Variants in DIAPH3 observed in about 807,000 individuals in gnomAD.
The protein encoded by DIAPH3 is protein diaphanous homolog 3.
Under a neutral mutation model 144.3 loss-of-function variants are expected in DIAPH3, and 117 were observed. That is an observed-to-expected ratio of 0.81 (90% CI 0.70 to 0.95). DIAPH3 has a LOEUF of 0.95. Among genes scored for constraint, DIAPH3 ranks in the 40% least tolerant of loss-of-function variants. The probability of loss-of-function intolerance (pLI) is 0.00; values close to 1 mark genes in which losing one functional copy is unlikely to be tolerated. For synonymous variants in DIAPH3, 519 were observed against 488.9 expected (o/e 1.06, Z -0.81); for missense variants, 1,421 against 1,412.7 (o/e 1.01, Z -0.09).
intron 16 of DIAPH3, among the ~76,000 whole-genome samples, chr13:59,970,457 T>A (rs2050299193): frequency 6.6e-6 from 1 of 152,184 alleles, no homozygotes; most frequent in Non-Finnish European, 1.5e-5. Context: ...GATATTAGCT[T>A]CTGACAACTA....
intron 5 of DIAPH3, among the ~76,000 whole-genome samples, chr13:60,024,881 G>A (rs9538551): frequency 0.62 from 93,967 of 151,954 alleles, 29,505 homozygotes; most frequent in Admixed American, 0.71. Context: ...TGGAGAGAAG[G>A]AGGACTGCCT....
rs193295695 is a variant in DIAPH3 at position 60,154,753 on chromosome 13, G to A, written c.180+8834C>T. ...CATGCTTTGATCCTTAATATCCCAT[G>A]AAGTAAAAGGTTATGCTTAATCTAT... On this transcript the variant is annotated intron_variant, in intron 1 of 27. Coordinates refer to ENST00000400324, the MANE Select transcript of DIAPH3 (RefSeq NM_001042517.2). 1.1e-4 allele frequency among the ~76,000 whole-genome samples: 17 copies of A among 152,318 alleles called. No homozygotes were observed. In the East Asian group the frequency reaches 3.1e-3, roughly 28 times the overall value.
At chr13:60,034,062 C>T (rs1480548551) in intron 5 of DIAPH3, among the ~76,000 whole-genome samples, 1 of 152,010 alleles carries the variant, frequency 6.6e-6, no homozygotes, top group Non-Finnish European at 1.5e-5. Context: ...AATAACAAGC[C>T]CAGAAAATTA....
chr13:59,754,675 A>C (rs955432567), intron 27 of DIAPH3, among the ~76,000 whole-genome samples: 2 of 152,218 alleles, frequency 1.3e-5, no homozygotes, highest in Non-Finnish European at 2.9e-5. Flanking sequence ...GGAAGGTTCC[A>C]CATTAGCTTA....
At chr13:59,878,932 T>C (rs1363710107) in intron 21 of DIAPH3, among the ~76,000 whole-genome samples, 2 of 152,138 alleles carry the variant, frequency 1.3e-5, no homozygotes, top group East Asian at 3.9e-4. Context: ...CGAGTCAGTA[T>C]TAATAATATT....
chr13:60,055,060 T>A (rs752441243), intron 4 of DIAPH3, among the ~76,000 whole-genome samples: 1 of 151,906 alleles, frequency 6.6e-6, no homozygotes, highest in African/African-American at 2.4e-5. Flanking sequence ...ATGAGTATCA[T>A]TACGTGCCAA....
chr13:60,111,168 A>G (rs544086667), intron 3 of DIAPH3, among the ~76,000 whole-genome samples: 1 of 152,274 alleles, frequency 6.6e-6, no homozygotes, highest in South Asian at 2.1e-4. Flanking sequence ...TACGATCTTG[A>G]GTCCTCAAAG....
intron 1 of DIAPH3, among the ~76,000 whole-genome samples, chr13:60,140,399 T>G (rs961211602): frequency 6.6e-6 from 1 of 152,194 alleles, no homozygotes; most frequent in African/African-American, 2.4e-5. Context: ...AGCATTACTT[T>G]AAATAGCTAG....
At chr13:60,091,277 A>C (rs755471341) in intron 4 of DIAPH3, among the ~76,000 whole-genome samples, 1 of 152,138 alleles carries the variant, frequency 6.6e-6, no homozygotes, top group Non-Finnish European at 1.5e-5. Context: ...ATGTACATCC[A>C]GTGCTGCTTC....
At chr13:60,157,230 C>T (rs1952076953) in intron 1 of DIAPH3, among the ~76,000 whole-genome samples, 1 of 152,092 alleles carries the variant, frequency 6.6e-6, no homozygotes, top group Admixed American at 6.6e-5. Context: ...CAGGCATGCA[C>T]CACCGTACCC....
intron 27 of DIAPH3, among the ~76,000 whole-genome samples, chr13:59,683,372 C>A (rs2033046703): frequency 6.6e-6 from 1 of 151,790 alleles, no homozygotes; most frequent in Non-Finnish European, 1.5e-5. Flanking sequence ...ACATTTAAGT[C>A]CTGTGGTTGT....
chr13:59,810,417 G>A (rs957985908), intron 25 of DIAPH3, among the ~76,000 whole-genome samples: 6 of 151,994 alleles, frequency 3.9e-5, no homozygotes, highest in Admixed American at 3.9e-4. Flanking sequence ...GGGATATTTT[G>A]TTGAAGAAAC....
intron 14 of DIAPH3, among the ~76,000 whole-genome samples, chr13:59,978,001 T>C (rs912079158): frequency 6.6e-6 from 1 of 151,858 alleles, no homozygotes; most frequent in African/African-American, 2.4e-5. Context: ...ATCACTTCCT[T>C]GGAGAAGGCT....
At chr13:59,860,581 A>G (rs1187393699) in intron 22 of DIAPH3, among the ~76,000 whole-genome samples, 1 of 152,062 alleles carries the variant, frequency 6.6e-6, no homozygotes, top group East Asian at 1.9e-4. Flanking sequence ...TACTAAAAAT[A>G]TAATAAATTA....
intron 22 of DIAPH3, among the ~76,000 whole-genome samples, chr13:59,841,720 G>C (rs1342912588): frequency 6.6e-6 from 1 of 152,162 alleles, no homozygotes; most frequent in Non-Finnish European, 1.5e-5. Context: ...ATTAGTAGCA[G>C]TGACAATAAA....
rs534915105 is a variant in DIAPH3 at position 59,739,470 on chromosome 13, T to C, written c.3319+34719A>G. On this transcript the variant is annotated intron_variant, in intron 27 of 27. Transcript: ENST00000400324. ...CTCACAATACCCTTTTGAGTATTAA[T>C]GATTACAGCACCGGTGCTAGTAGCA... Among the ~76,000 whole-genome samples, 4 of 152,272 alleles carry C rather than the reference T, an allele frequency of 2.6e-5. No homozygotes were observed. The South Asian group carries it at 8.3e-4, about 32-fold the overall frequency.
At chr13:59,962,308 G>A (rs1220859869) in intron 17 of DIAPH3, among the ~76,000 whole-genome samples, 4 of 152,154 alleles carry the variant, frequency 2.6e-5, no homozygotes, top group East Asian at 1.9e-4. Flanking sequence ...GGATTTCAAA[G>A]GAAGTAAATT....
intron 27 of DIAPH3, among the ~76,000 whole-genome samples, chr13:59,758,391 T>A (rs542261220): frequency 6.6e-6 from 1 of 152,214 alleles, no homozygotes; most frequent in Non-Finnish European, 1.5e-5. Flanking sequence ...TACAGCTTCA[T>A]ACAACAACAT....
rs547954215 is a variant in DIAPH3 at position 59,697,408 on chromosome 13, C to T, written c.3320-30562G>A. On this transcript the variant is annotated intron_variant, in intron 27 of 27. Coordinates refer to ENST00000400324, the MANE Select transcript of DIAPH3 (RefSeq NM_001042517.2). ...TCGGGAGGCGGAGCTTGCAGTGAGC[C>T]GAGATTGCGCCACTGCACTCCAGCC... 4.8e-5 allele frequency among the ~76,000 whole-genome samples: 6 copies of T among 123,862 alleles called. No individual in the cohort carries two copies. The South Asian group carries it at 1.4e-3, about 29-fold the overall frequency. The allele number at this position is 123,862 out of a possible 152,430, so 81.3% of individuals were successfully genotyped here. A position where few individuals can be genotyped will look rare whatever the true frequency, so the allele number is the denominator to read the frequency against.
Sources: allele counts gnomAD v4.1 joint callset (sites outside exome capture counted in the v4.1 genomes callset), GRCh38; gene constraint gnomAD v4.1.1; transcripts MANE v1.5; gene names NCBI Gene and HGNC (gene_info 2026-07-23, HGNC 2026-07-21).